Variants in CES5A observed in about 807,000 individuals in gnomAD.
The protein encoded by CES5A is carboxylesterase 5A.
Under a neutral mutation model 62.9 loss-of-function variants are expected in CES5A, and 67 were observed. That is an observed-to-expected ratio of 1.07 (90% CI 0.88 to 1.31). The LOEUF (loss-of-function observed/expected upper bound fraction) is 1.31, where lower values mean the gene tolerates loss of function less well. Ranked by LOEUF, CES5A falls within the 50% of genes most tolerant of loss-of-function variation. CES5A has a pLI of 0.00. For synonymous variants in CES5A, 296 were observed against 280.8 expected, an observed-to-expected ratio of 1.05 and a Z score of -0.54; for missense variants, 748 against 708.5, an observed-to-expected ratio of 1.06 and a Z score of -0.63.
chr16:55,948,526 T>G (rs1307539280), intron 2 of CES5A, among the ~76,000 whole-genome samples: 1 of 152,186 alleles, frequency 6.6e-6, no homozygotes, highest in Non-Finnish European at 1.5e-5. Flanking sequence ...GCTGTTAATT[T>G]ACATTGTCAG....
chr16:55,902,701 T>G (rs1238986306), intron 1 of CES5A, among the ~76,000 whole-genome samples: 1 of 152,206 alleles, frequency 6.6e-6, no homozygotes, highest in Non-Finnish European at 1.5e-5. Context: ...GACACAAAAG[T>G]GCAGTCCCTG....
intron 2 of CES5A, 153 bp downstream of exon 2, chr16:55,873,680 G>C (rs1170459095): frequency 4.4e-6 from 3 of 675,788 alleles, no homozygotes; most frequent in Non-Finnish European, 7.7e-6. Context: ...TAGGAGTCAG[G>C]GGATTACCAA....
chr16:55,903,701 C>A (rs1243916812), intron 1 of CES5A, among the ~76,000 whole-genome samples: 1 of 152,200 alleles, frequency 6.6e-6, no homozygotes, highest in Admixed American at 6.5e-5. Flanking sequence ...GGCTTCTCTG[C>A]AATTTTACTC....
intron 9 of CES5A, among the ~76,000 whole-genome samples, chr16:55,854,915 A>G (rs2033209555): frequency 6.6e-6 from 1 of 152,142 alleles, no homozygotes; most frequent in South Asian, 2.1e-4. Flanking sequence ...TGTTCATTAC[A>G]TAGCTTACAA....
chr16:55,846,411 G>A lies in CES5A; in HGVS notation c.*40C>T, dbSNP rs11864688. On this transcript the variant is annotated 3_prime_UTR_variant, in exon 13 of 13. Transcript: ENST00000290567. ...AGCTAATGATTGCGGGAGAAATTAT[G>A]GGAGGAGAAGGGAAACCAAAATCAC... The A allele has an allele frequency of 0.36, 525,803 of 1,461,976 alleles. 97,843 individuals are homozygous for A. The highest frequency in any genetic ancestry group is 0.49 in the South Asian group (42,058 of 86,496). The allele number at this position is 1,461,976 out of a possible 1,614,324, so 90.6% of individuals were successfully genotyped here.
intron 1 of CES5A, among the ~76,000 whole-genome samples, chr16:55,914,407 G>A (rs2034124017): frequency 6.6e-6 from 1 of 152,188 alleles, no homozygotes; most frequent in South Asian, 2.1e-4. Flanking sequence ...AGGATTTTGT[G>A]TTAGCCCAGC....
intron 11 of CES5A, among the ~76,000 whole-genome samples, chr16:55,847,910 A>G (rs1355614528): frequency 1.3e-5 from 2 of 152,000 alleles, no homozygotes; most frequent in Non-Finnish European, 2.9e-5. Context: ...ATTTTAATCT[A>G]TGTTATTTAT....
At chr16:55,879,822 G>A (rs1235834715), upstream of CES5A, among the ~76,000 whole-genome samples, 2 of 152,126 alleles carry the variant, frequency 1.3e-5, no homozygotes, top group South Asian at 2.1e-4. Context: ...CCAACTCCTG[G>A]TCTCAAGTGA....
chr16:55,951,909 GT>G (rs1281861334), intron 1 of CES5A, among the ~76,000 whole-genome samples: 3 of 152,152 alleles, frequency 2.0e-5, no homozygotes, highest in Non-Finnish European at 4.4e-5. Context: ...ATCAGGGACA[GT>G]TAGAGAGAGT....
In CES5A at chr16:55,873,815, G is replaced by A. The variant is rs1244643457; in HGVS notation, c.278+18C>T. 3.1e-6 allele frequency: 5 copies of A among 1,604,172 alleles called. No homozygotes were observed. On this transcript the variant is annotated intron_variant, in intron 2 of 12. Coordinates refer to ENST00000290567, the MANE Select transcript of CES5A (RefSeq NM_001143685.2). ...TCCCAGAGTCACAAACCACCCGTGG[G>A]CCCGAACCTGGTCTTACAAATTAGG...
rs1233358584 is a variant in CES5A at position 55,863,405 on chromosome 16, C to T, written c.753G>A (p.Glu251=). 1 of 1,610,500 alleles carries T rather than the reference C, an allele frequency of 6.2e-7. No homozygotes were observed. Among genetic ancestry groups the T allele is most frequent in the Non-Finnish European group, 8.5e-7 (1 of 1,177,526 alleles). The stretch of plus-strand genomic sequence containing the variant: ...GGTAAGGGATGATGGCCACCCCACT[C>T]TCCATGATGGCTTTGTGGAATAAGC... ...AKGLFHKAIM[E]SGVAIIPYLE... is the part of the protein sequence containing the mutation. Residue 251 remains glutamate (E), a synonymous_variant, in exon 6 of 13, where the codon GAG becomes GAA. Coordinates refer to ENST00000290567, the MANE Select transcript of CES5A (RefSeq NM_001143685.2).
At chr16:55,912,940 G>GT (rs1446790756) in intron 1 of CES5A, among the ~76,000 whole-genome samples, 4 of 152,190 alleles carry the variant, frequency 2.6e-5, no homozygotes, top group African/African-American at 9.6e-5. Flanking sequence ...CCCACAGGCA[G>GT]TTTTATCACC....
At chr16:55,955,764 C>G (rs1429080487) in intron 1 of CES5A, 2 of 1,466,844 alleles carry the variant, frequency 1.4e-6, no homozygotes, top group African/African-American at 1.4e-5. Flanking sequence ...AAATTTGCAT[C>G]TAATCTAAGG....
At chr16:55,875,050 GC>G (rs1452852572) in intron 1 of CES5A, 98 bp downstream of exon 1, 14 of 1,160,544 alleles carry the variant, frequency 1.2e-5, no homozygotes, top group Non-Finnish European at 1.7e-5. Context: ...CTCTCCACTG[GC>G]CCTCAGAGAC....
chr16:55,943,339 C>A (rs1371235311), intron 2 of CES5A, among the ~76,000 whole-genome samples: 1 of 152,164 alleles, frequency 6.6e-6, no homozygotes, highest in Non-Finnish European at 1.5e-5. Flanking sequence ...AATGAGGGAG[C>A]GACTCCCAAG....
intron 1 of CES5A, among the ~76,000 whole-genome samples, chr16:55,909,696 G>C (rs1216990481): frequency 6.6e-6 from 1 of 152,180 alleles, no homozygotes; most frequent in Non-Finnish European, 1.5e-5. Context: ...GCCCACAGGT[G>C]AACGGCAGAA....
chr16:55,861,551 T>C (rs775371977), intron 6 of CES5A, 35 bp from the exon 7 acceptor site: 34 of 1,448,956 alleles, frequency 2.3e-5, no homozygotes, highest in Non-Finnish European at 3.2e-5. Flanking sequence ...TAGAGCATGA[T>C]ATTGAAAGCA....
chr16:55,891,720 G>C (rs1246467337), intron 1 of CES5A, among the ~76,000 whole-genome samples: 2 of 152,154 alleles, frequency 1.3e-5, no homozygotes, highest in Admixed American at 1.3e-4. Flanking sequence ...ACAGTTCCCA[G>C]CTTGAATTTC....
chr16:55,913,875 G>A (rs2034119593), intron 1 of CES5A, among the ~76,000 whole-genome samples: 3 of 152,114 alleles, frequency 2.0e-5, no homozygotes, highest in Admixed American at 6.5e-5. Context: ...GATACAGCAG[G>A]AAACAAATCC....
Sources: gnomAD v4.1 joint callset for allele counts (sites outside exome capture counted in the v4.1 genomes callset) on GRCh38, gnomAD v4.1.1 for gene constraint, MANE v1.5 for transcripts, NCBI Gene and HGNC (gene_info 2026-07-23, HGNC 2026-07-21) for gene names.